The following IL1RAPL1 variants were observed in gnomAD, a reference collection of about 807,000 sequenced individuals.
IL1RAPL1 encodes interleukin-1 receptor accessory protein-like 1.
A neutral mutation model predicts 48.4 loss-of-function variants in IL1RAPL1; 3 were observed. That is an observed-to-expected ratio of 0.06 (90% confidence interval 0.03 to 0.16). The LOEUF (loss-of-function observed/expected upper bound fraction) is 0.16. IL1RAPL1 is among the 10% of genes least tolerant of loss of function. IL1RAPL1 has a pLI of 1.00. For synonymous variants in IL1RAPL1, 185 were observed against 187.7 expected (o/e 0.99, Z 0.12); for missense variants, 349 against 530.6 (o/e 0.66, Z 3.36).
At chrX:29,433,280 T>G (rs1934442330) in intron 5 of IL1RAPL1, among the ~76,000 whole-genome samples, 1 of 110,985 alleles carries the variant, frequency 9.0e-6, no homozygotes, top group African/African-American at 3.3e-5. Flanking sequence ...TCCAGAGATC[T>G]TTCTAACCAT....
At chrX:28,651,826 T>C (rs1934686339) in intron 1 of IL1RAPL1, among the ~76,000 whole-genome samples, 1 of 111,717 alleles carries the variant, frequency 9.0e-6, no homozygotes. Flanking sequence ...GCAATGTAAG[T>C]ACTTTAGCAC....
chrX:29,830,644 G>T (rs1390087396), intron 6 of IL1RAPL1, among the ~76,000 whole-genome samples: 2 of 109,958 alleles, frequency 1.8e-5, no homozygotes, highest in African/African-American at 3.3e-5. Context: ...GTACAGACGG[G>T]GTTTCACCAT....
At chrX:28,875,053 A>G (rs1393686323) in intron 2 of IL1RAPL1, among the ~76,000 whole-genome samples, 6 of 112,119 alleles carry the variant, frequency 5.4e-5, no homozygotes, top group Non-Finnish European at 1.1e-4. Flanking sequence ...GTGGATTTTC[A>G]GCAGTTAAGA....
At chrX:28,718,426 C>A (rs1464879331) in intron 1 of IL1RAPL1, among the ~76,000 whole-genome samples, 1 of 111,042 alleles carries the variant, frequency 9.0e-6, no homozygotes, top group African/African-American at 3.3e-5. Flanking sequence ...TCATTGATTC[C>A]TTTTATTCTT....
chrX:29,373,975 C>T (rs1202179257), intron 3 of IL1RAPL1, among the ~76,000 whole-genome samples: 20 of 97,156 alleles, frequency 2.1e-4, no homozygotes, highest in Non-Finnish European at 2.6e-4. Flanking sequence ...CCCAAAGTCC[C>T]GTGATAAAGG....
intron 1 of IL1RAPL1, among the ~76,000 whole-genome samples, chrX:28,785,507 T>G (rs1488635528): frequency 8.9e-6 from 1 of 111,942 alleles, no homozygotes; most frequent in Non-Finnish European, 1.9e-5. Context: ...TTTTACCCAG[T>G]ATTTTCTGAT....
chrX:29,179,879 C>A (rs890679440), intron 2 of IL1RAPL1, among the ~76,000 whole-genome samples: 1 of 111,079 alleles, frequency 9.0e-6, no homozygotes, highest in Non-Finnish European at 1.9e-5. Context: ...GGAGGGCTTG[C>A]TAAAAGACAA....
intron 1 of IL1RAPL1, among the ~76,000 whole-genome samples, chrX:28,630,040 C>T (rs901153233): frequency 4.5e-5 from 5 of 111,038 alleles, no homozygotes; most frequent in African/African-American, 9.8e-5. Flanking sequence ...ATTGTCATAG[C>T]GGGGAGCCAT....
In IL1RAPL1 at chrX:29,666,304, T is replaced by A. The variant is rs762070384; in HGVS notation, c.704-2126T>A. On this transcript the variant is annotated intron_variant, in intron 5 of 10. Transcript: ENST00000378993. ...CAACATCTTGGGTGAAATACTGATG[T>A]ATAAGGTAAAATAAAAGCAGAACTA... Among the ~76,000 whole-genome samples the A allele has an allele frequency of 3.6e-5, 4 of 110,363 alleles. No homozygotes were observed. In the South Asian group the frequency reaches 1.5e-3, roughly 42 times the overall value.
intron 1 of IL1RAPL1, among the ~76,000 whole-genome samples, chrX:28,691,852 T>G (rs1187846992): frequency 1.8e-5 from 2 of 111,686 alleles, no homozygotes; most frequent in Non-Finnish European, 3.8e-5. Context: ...AGTGTCTAAG[T>G]TAATTTTGTG....
chrX:29,308,914 G>A (rs1325431192), intron 3 of IL1RAPL1, among the ~76,000 whole-genome samples: 1 of 112,011 alleles, frequency 8.9e-6, no homozygotes, highest in East Asian at 2.8e-4. Flanking sequence ...AACTGATTTG[G>A]ATGAGGAAGC....
At chrX:29,008,154 A>G (rs1162469129) in intron 2 of IL1RAPL1, among the ~76,000 whole-genome samples, 4 of 107,748 alleles carry the variant, frequency 3.7e-5, no homozygotes, top group Non-Finnish European at 7.7e-5. Context: ...GGTGTGCAGC[A>G]CCAGGCCCGG....
At chrX:29,926,043 C>G (rs775538677) in intron 8 of IL1RAPL1, among the ~76,000 whole-genome samples, 4 of 108,908 alleles carry the variant, frequency 3.7e-5, no homozygotes, top group African/African-American at 1.0e-4. Flanking sequence ...GAGTCTCGCT[C>G]TATCGCACAG....
At chrX:29,635,352 T>C (rs1317046509) in intron 5 of IL1RAPL1, among the ~76,000 whole-genome samples, 1 of 111,824 alleles carries the variant, frequency 8.9e-6, no homozygotes, top group Non-Finnish European at 1.9e-5. Flanking sequence ...TGATATACAA[T>C]ATGACACAAA....
chrX:28,978,948 T>G (rs943061754), intron 2 of IL1RAPL1, among the ~76,000 whole-genome samples: 1 of 111,770 alleles, frequency 8.9e-6, no homozygotes, highest in Non-Finnish European at 1.9e-5. Flanking sequence ...AAAGTGTTGT[T>G]GGAATGGGGT....
chrX:29,688,270 A>G (rs989614401), intron 6 of IL1RAPL1, among the ~76,000 whole-genome samples: 3 of 111,237 alleles, frequency 2.7e-5, no homozygotes, highest in South Asian at 3.8e-4. Context: ...CTAGGAGAGA[A>G]TCTTTGCCTC....
At chrX:28,761,017 G>T (rs910900981) in intron 1 of IL1RAPL1, among the ~76,000 whole-genome samples, 1 of 107,854 alleles carries the variant, frequency 9.3e-6, no homozygotes, top group African/African-American at 3.4e-5. Flanking sequence ...ACCTGGGGGG[G>T]CAGAGGTTGT....
At chrX:28,788,639 T>A (rs1326806357) in intron 1 of IL1RAPL1, among the ~76,000 whole-genome samples, 2 of 107,304 alleles carry the variant, frequency 1.9e-5, no homozygotes, top group Non-Finnish European at 3.9e-5. Context: ...GCTATTTTTT[T>A]TTTTTTTTGT....
At chrX:28,639,441 C>T (rs1934507896) in intron 1 of IL1RAPL1, among the ~76,000 whole-genome samples, 1 of 111,469 alleles carries the variant, frequency 9.0e-6, no homozygotes, top group South Asian at 3.8e-4. Flanking sequence ...TTTGAAATTC[C>T]AAAAATGTAA....
Sources: allele counts gnomAD v4.1 joint callset (sites outside exome capture counted in the v4.1 genomes callset), GRCh38; gene constraint gnomAD v4.1.1; transcripts MANE v1.5; gene names NCBI Gene and HGNC (gene_info 2026-07-23, HGNC 2026-07-21).